OPRD1: variants seen among roughly 807,000 people sequenced by gnomAD.
The protein encoded by OPRD1 is opioid receptor delta 1.
OPRD1 carries 19 observed loss-of-function variants against 17.5 expected under a neutral mutation model. The ratio of observed to expected loss-of-function variants is 1.09; its 90% CI spans 0.76 to 1.60. The LOEUF is 1.60. OPRD1 is among the 40% of genes most tolerant of loss of function. OPRD1 has a pLI of 0.00. For missense variants in OPRD1, 483 were observed against 547.2 expected, an observed-to-expected ratio of 0.88 and a Z score of 1.17; for synonymous variants, 256 against 240.9, an observed-to-expected ratio of 1.06 and a Z score of -0.58.
At chr1:28,812,732 C>G in intron 1 of OPRD1, 122 bp downstream of exon 1, 1 of 887,130 alleles carries the variant, frequency 1.1e-6, no homozygotes, top group Non-Finnish European at 1.6e-6. Context: ...TGCAGGGGCA[C>G]CTGGGGCCCA....
At chr1:28,832,841 G>A (rs2088820749) in intron 1 of OPRD1, among the ~76,000 whole-genome samples, 1 of 152,132 alleles carries the variant, frequency 6.6e-6, no homozygotes, top group Non-Finnish European at 1.5e-5. Context: ...CTCTGAACAG[G>A]GGCTCCCTAG....
intron 1 of OPRD1, among the ~76,000 whole-genome samples, chr1:28,842,113 T>G (rs1024781985): frequency 6.6e-6 from 1 of 152,064 alleles, no homozygotes; most frequent in Non-Finnish European, 1.5e-5. Flanking sequence ...CACTGCAGCC[T>G]CAACCTCCCA....
At position 28,866,014 on chromosome 1, in the gene OPRD1, G is replaced by C. The variant is rs562460281; in HGVS notation, c.*2731G>C. On this transcript the variant is annotated 3_prime_UTR_variant, in exon 3 of 3. Transcript: ENST00000234961. ...CCCTTCTGATATGTAAATCTGTCCT[G>C]AGGTCAGCAGGGCCCGGGTCCGGAC... is the stretch of plus-strand genomic sequence containing the variant. 4.6e-5 allele frequency: 7 copies of C among 152,334 alleles called. No individual in the cohort carries two copies. In the South Asian group the frequency reaches 1.4e-3, roughly 32 times the overall value. 9.4% of individuals were successfully genotyped at this position (152,334 alleles called of 1,614,324 possible).
At chr1:28,827,933 T>C (rs2088780256) in intron 1 of OPRD1, among the ~76,000 whole-genome samples, 1 of 151,898 alleles carries the variant, frequency 6.6e-6, no homozygotes, top group South Asian at 2.1e-4. Context: ...AGCCGGAGTT[T>C]CTGTGTTGCC....
intron 2 of OPRD1, among the ~76,000 whole-genome samples, chr1:28,862,159 TGCCCTCCTCG>T (rs558723317): frequency 1.3e-5 from 2 of 151,576 alleles, no homozygotes; most frequent in East Asian, 3.9e-4. Flanking sequence ...CCTCATGATC[TGCCCTCCTCG>T]GCCTCCCAAA....
At chr1:28,845,259 G>A (rs1450933040) in intron 1 of OPRD1, among the ~76,000 whole-genome samples, 2 of 151,872 alleles carry the variant, frequency 1.3e-5, no homozygotes, top group Admixed American at 6.6e-5. Flanking sequence ...CGAGGTAGGT[G>A]GATAACTTGA....
At chr1:28,861,476 G>A (rs1003427084) in intron 2 of OPRD1, among the ~76,000 whole-genome samples, 1 of 152,074 alleles carries the variant, frequency 6.6e-6, no homozygotes, top group Non-Finnish European at 1.5e-5. Context: ...ACAGGGTCTC[G>A]CTCTGTCACC....
At chr1:28,855,551 A>G (rs1430824414) in intron 1 of OPRD1, among the ~76,000 whole-genome samples, 3 of 147,008 alleles carry the variant, frequency 2.0e-5, no homozygotes, top group Non-Finnish European at 4.5e-5. Context: ...CTGTGGGTGG[A>G]GGGGAGAGAG....
intron 1 of OPRD1, among the ~76,000 whole-genome samples, chr1:28,815,117 T>C (rs1028195990): frequency 2.0e-5 from 3 of 151,964 alleles, no homozygotes; most frequent in Admixed American, 6.6e-5. Context: ...CAGAATTCTG[T>C]CCCTCCTCTT....
At chr1:28,846,112 G>A (rs482387) in intron 1 of OPRD1, among the ~76,000 whole-genome samples, 64,423 of 152,004 alleles carry the variant, frequency 0.42, 15,365 homozygotes, top group East Asian at 0.87. Flanking sequence ...CTACACTGTC[G>A]TCACATGTGA....
chr1:28,860,454 T>C (rs1318017024), intron 2 of OPRD1, among the ~76,000 whole-genome samples: 1 of 152,168 alleles, frequency 6.6e-6, no homozygotes, highest in Non-Finnish European at 1.5e-5. Context: ...AAATATTGTT[T>C]AGAAGGGCTC....
intron 1 of OPRD1, among the ~76,000 whole-genome samples, chr1:28,837,825 C>T (rs2088866006): frequency 6.7e-6 from 1 of 148,318 alleles, no homozygotes; most frequent in Admixed American, 6.9e-5. Flanking sequence ...CCAACTCTCT[C>T]TTCATGTAAG....
chr1:28,817,103 C>CT (rs1472990625), intron 1 of OPRD1, among the ~76,000 whole-genome samples: 1 of 152,190 alleles, frequency 6.6e-6, no homozygotes, highest in African/African-American at 2.4e-5. Flanking sequence ...CATGAGACGC[C>CT]TTCAGCCTGT....
chr1:28,863,295 G>A lies in OPRD1; in HGVS notation c.*12G>A. On this transcript the variant is annotated 3_prime_UTR_variant, in exon 3 of 3. Coordinates refer to ENST00000234961, the MANE Select transcript of OPRD1 (RefSeq NM_000911.4). ...GCGCTGCCGCCTGACCAGGCCATCC[G>A]GCCCCCAGAGCGCCCCTCCCTAGTG... 7.0e-7 allele frequency: 1 copy of A among 1,419,198 alleles called. No individual in the cohort carries two copies. Among genetic ancestry groups the A allele is most frequent in the Non-Finnish European group, 9.1e-7 (1 of 1,097,520 alleles). 87.9% of individuals were successfully genotyped at this position (1,419,198 alleles called of 1,614,324 possible).
rs188068276 is a variant in OPRD1, at chr1:28,865,802, G to C, written c.*2519G>C. ...CAGGGGTCCTCCTGTGAATGCTTTG[G>C]GGGTATGGCAGAAAAAGGGACAATC... On this transcript the variant is annotated 3_prime_UTR_variant, in exon 3 of 3. Coordinates refer to ENST00000234961, the MANE Select transcript of OPRD1 (RefSeq NM_000911.4). 6.6e-6 allele frequency: 1 copy of C among 152,300 alleles called. No individual in the cohort carries two copies. The highest frequency in any genetic ancestry group is 1.5e-5 in the Non-Finnish European group (1 of 68,076). 9.4% of individuals were successfully genotyped at this position (152,300 alleles called of 1,614,324 possible). A position where few individuals can be genotyped will look rare whatever the true frequency, so the allele number is the denominator to read the frequency against.
intron 1 of OPRD1, among the ~76,000 whole-genome samples, chr1:28,818,402 A>G (rs2088687574): frequency 6.6e-6 from 1 of 152,108 alleles, no homozygotes; most frequent in African/African-American, 2.4e-5. Context: ...AGACAAGTGC[A>G]GCTCCCTGGA....
At chr1:28,819,406 G>A (rs944733652) in intron 1 of OPRD1, among the ~76,000 whole-genome samples, 9 of 152,176 alleles carry the variant, frequency 5.9e-5, no homozygotes, top group African/African-American at 2.2e-4. Flanking sequence ...GTCTTGCCTG[G>A]AGCCTGCTTC....
At chr1:28,837,283 G>A (rs2088860955) in intron 1 of OPRD1, among the ~76,000 whole-genome samples, 1 of 151,880 alleles carries the variant, frequency 6.6e-6, no homozygotes, top group Non-Finnish European at 1.5e-5. Context: ...GAGCAATGGG[G>A]AGTGGCTATA....
At chr1:28,817,902 C>CGGG (rs34321858) in intron 1 of OPRD1, among the ~76,000 whole-genome samples, 2 of 91,792 alleles carry the variant, frequency 2.2e-5, no homozygotes, top group African/African-American at 4.2e-5. Flanking sequence ...ATGGGCGGGG[C>CGGG]GGGGGGGGGG....
Sources: allele counts gnomAD v4.1 joint callset (sites outside exome capture counted in the v4.1 genomes callset), GRCh38; gene constraint gnomAD v4.1.1; transcripts MANE v1.5; gene names NCBI Gene and HGNC (gene_info 2026-07-23, HGNC 2026-07-21).